Variants in DRG2 observed in about 807,000 individuals in gnomAD.
DRG2 encodes the protein developmentally regulated GTP binding protein 2, also known as developmentally-regulated GTP-binding protein 2.
DRG2 carries 36 observed loss-of-function variants against 53.4 expected under a neutral mutation model. The ratio of observed to expected loss-of-function variants is 0.67; its 90% CI spans 0.52 to 0.89. The LOEUF is 0.89. Among genes scored for constraint, DRG2 ranks in the 40% least tolerant of loss-of-function variants. The pLI, the probability that DRG2 is intolerant of heterozygous loss-of-function variation, is 0.00. For missense variants in DRG2, 342 were observed against 481.2 expected (o/e 0.71, Z 2.71); for synonymous variants, 167 against 192.1 (o/e 0.87, Z 1.08).
rs551049385 is a variant in DRG2, at chr17:18,104,703, T to C, written c.954+22T>C. ...CGTGGTGAGTTGACAAGACCTGCCG[T>C]GACAAGGGGTGGGAGCTCTGCATGC... On this transcript the variant is annotated intron_variant, in intron 11 of 12. Coordinates refer to ENST00000225729, the MANE Select transcript of DRG2 (RefSeq NM_001388.5). 43 of 1,613,812 alleles carry C rather than the reference T, an allele frequency of 2.7e-5. No homozygotes were observed. In the South Asian group the frequency reaches 4.4e-4, roughly 16 times the overall value.
intron 1 of DRG2, among the ~76,000 whole-genome samples, chr17:18,089,953 G>A (rs2045284569): frequency 6.6e-6 from 1 of 152,048 alleles, no homozygotes; most frequent in African/African-American, 2.4e-5. Flanking sequence ...GTTAAGCAGG[G>A]GAGGGGCTAT....
intron 2 of DRG2, among the ~76,000 whole-genome samples, chr17:18,094,974 CAAAAAAAAAAAAAAAAA>C (rs1165321853): frequency 2.0e-4 from 5 of 25,306 alleles, no homozygotes; most frequent in East Asian, 1.1e-3. Flanking sequence ...AACTCCATCT[CAAAAAAAAAAAAAAAAA>C]AAAAAAAAAA....
chr17:18,101,658 C>T (rs2045539285), intron 8 of DRG2, 68 bp downstream of exon 8: 7 of 1,488,522 alleles, frequency 4.7e-6, no homozygotes, highest in East Asian at 2.3e-5. Context: ...CCTCAGCTCC[C>T]GGAACCTTGT....
chr17:18,093,067 C>T (rs1054194576), intron 1 of DRG2, among the ~76,000 whole-genome samples: 3 of 152,214 alleles, frequency 2.0e-5, no homozygotes, highest in Admixed American at 6.5e-5. Flanking sequence ...CAGGTTTTCC[C>T]TCTGTGGATG....
In DRG2 at chr17:18,099,144, T is replaced by C; in HGVS notation, c.376+67T>C. 1.9e-6 allele frequency: 3 copies of C among 1,598,104 alleles called. No individual in the cohort carries two copies. The highest frequency in any genetic ancestry group is 2.6e-6 in the Non-Finnish European group (3 of 1,167,284). On this transcript the variant is annotated intron_variant, in intron 4 of 12. Transcript: ENST00000225729. This position sits in a 1 kb window ranked among gnomAD's most constrained non-coding sequence, Gnocchi z 4.4. ...TGTTACTGATCGTTGAAATTGGGTG[T>C]GGCTGTCATGGAGATCACTCTGGAT...
At chr17:18,090,388 ATATATATATATATATATATTTT>A (rs1284542617) in intron 1 of DRG2, among the ~76,000 whole-genome samples, 192 of 10,416 alleles carry the variant, frequency 0.018, 5 homozygotes, top group African/African-American at 0.093. Context: ...ATATATATAT[ATATATATATATATATATATTTT>A]TTTTTTTTTT....
intron 1 of DRG2, among the ~76,000 whole-genome samples, chr17:18,090,406 A>ATATATATATT (rs1555532983): frequency 4.4e-5 from 1 of 22,694 alleles, no homozygotes; most frequent in Non-Finnish European, 7.3e-5. Context: ...ATATATATAT[A>ATATATATATT]TTTTTTTTTT....
At chr17:18,093,998 C>CGG in intron 2 of DRG2, 25 bp downstream of exon 2, 1 of 1,596,400 alleles carries the variant, frequency 6.3e-7, no homozygotes, top group Non-Finnish European at 8.6e-7. Flanking sequence ...GTGTGGGCCT[C>CGG]GGGGAGGAAA....
At chr17:18,089,312 A>ATT (rs546556801) in intron 1 of DRG2, among the ~76,000 whole-genome samples, 1 of 151,782 alleles carries the variant, frequency 6.6e-6, no homozygotes, top group Non-Finnish European at 1.5e-5. Context: ...TAATTTTTGT[A>ATT]TTTTTTTAGT....
intron 9 of DRG2, among the ~76,000 whole-genome samples, chr17:18,102,971 C>G (rs1189131592): frequency 6.6e-6 from 1 of 152,176 alleles, no homozygotes; most frequent in East Asian, 1.9e-4. Context: ...GCTTGGCCAA[C>G]AGTACTGAGA....
In DRG2 at chr17:18,093,986, C is replaced by T. The variant is rs2045383608; in HGVS notation, c.225+13C>T. ...CTCTGTGGGTAAGGTCAGTGATGGT[C>T]AGTGTGGGCCTCGGGGAGGAAAGCA... On this transcript the variant is annotated intron_variant, in intron 2 of 12. Transcript: ENST00000225729. 3 of 1,603,868 alleles carry T rather than the reference C, an allele frequency of 1.9e-6. No individual in the cohort carries two copies. The highest frequency in any genetic ancestry group is 2.6e-6 in the Non-Finnish European group (3 of 1,172,732).
rs991379837 is a variant in DRG2, at chr17:18,103,237, G to A, written c.807-564G>A. Among the ~76,000 whole-genome samples, 165 of 152,180 alleles carry A rather than the reference G, an allele frequency of 1.1e-3. 1 individual carries two copies. The highest frequency in any genetic ancestry group is 3.3e-3 in the African/African-American group (137 of 41,496). ...TCAGGACACAGCTCGGGGTCACGGC[G>A]CAAACCTTCAAGCCACGGTCCACCC... is the stretch of plus-strand genomic sequence containing the variant. On this transcript the variant is annotated intron_variant, in intron 9 of 12. Coordinates refer to ENST00000225729, the MANE Select transcript of DRG2 (RefSeq NM_001388.5). The surrounding 1 kb of genome is among the most constrained non-coding windows in gnomAD (Gnocchi z 4.4).
intron 2 of DRG2, among the ~76,000 whole-genome samples, chr17:18,094,974 CAAAAAA>C (rs1165321853): frequency 4.0e-5 from 1 of 25,306 alleles, no homozygotes; most frequent in Non-Finnish European, 8.5e-5. Flanking sequence ...AACTCCATCT[CAAAAAA>C]AAAAAAAAAA....
chr17:18,102,600 G>T (rs190765382), intron 9 of DRG2, among the ~76,000 whole-genome samples: 421 of 137,882 alleles, frequency 3.1e-3, no homozygotes, highest in African/African-American at 0.011. Context: ...CAGCCTGGGC[G>T]ACAGAGCAAG....
chr17:18,107,387 T>G lies in DRG2; in HGVS notation c.*147T>G. On this transcript the variant is annotated 3_prime_UTR_variant, in exon 13 of 13. Coordinates refer to ENST00000225729, the MANE Select transcript of DRG2 (RefSeq NM_001388.5). ...GTCTCTGCTATTTACAGAAGTTTCT[T>G]CAGTAGGCAGACGAAGAGTGTGTTG... is the stretch of plus-strand genomic sequence containing the variant. 1.3e-6 allele frequency: 1 copy of G among 780,304 alleles called. No homozygotes were observed. Among genetic ancestry groups the G allele is most frequent in the East Asian group, 2.7e-5 (1 of 37,342 alleles). The allele number at this position is 780,304 out of a possible 1,614,324, so 48.3% of individuals were successfully genotyped here.
At chr17:18,092,612 C>T (rs1357444620) in intron 1 of DRG2, among the ~76,000 whole-genome samples, 2 of 151,966 alleles carry the variant, frequency 1.3e-5, no homozygotes, top group Admixed American at 6.6e-5. Context: ...AATTCCCCAT[C>T]AGTAATATAA....
intron 2 of DRG2, chr17:18,095,536 A>C (rs985282703): frequency 6.6e-6 from 1 of 151,660 alleles, no homozygotes; most frequent in African/African-American, 2.4e-5. Flanking sequence ...CTGGGATTAC[A>C]GGCATGCACC....
In DRG2 at chr17:18,107,158, C is replaced by T. The variant is rs776315703; in HGVS notation, c.1013C>T (p.Thr338Ile). The change falls in exon 13 of 13, where the codon ACC (threonine) becomes ATC (isoleucine). Residue 338 changes from threonine (T) to isoleucine (I), a missense_variant. Coordinates refer to ENST00000225729, the MANE Select transcript of DRG2 (RefSeq NM_001388.5). ...SQFKYALVWG[T>I]STKYSPQRVG... ...CTGCCCCCATTCCTCACCCAGGGCA[C>T]CAGCACCAAGTACAGTCCGCAGCGG... 3.1e-6 allele frequency: 5 copies of T among 1,613,376 alleles called. No homozygotes were observed. The South Asian group carries it at 5.5e-5, about 18-fold the overall frequency.
intron 11 of DRG2, among the ~76,000 whole-genome samples, chr17:18,105,112 G>T (rs1265807460): frequency 6.6e-6 from 1 of 152,168 alleles, no homozygotes; most frequent in Non-Finnish European, 1.5e-5. Flanking sequence ...GGACTAGTGG[G>T]TCTGGCAGTG....
Sources: gnomAD v4.1 joint callset for allele counts (sites outside exome capture counted in the v4.1 genomes callset) on GRCh38, gnomAD v4.1.1 for gene constraint, Gnocchi (gnomAD v3.1) non-coding constraint, MANE v1.5 for transcripts, NCBI Gene and HGNC (gene_info 2026-07-23, HGNC 2026-07-21) for gene names.